THOC5: variants seen among roughly 807,000 people sequenced by gnomAD.
THOC5 encodes the protein Fms-interacting protein.
Under a neutral mutation model 92.9 loss-of-function variants are expected in THOC5, and 43 were observed. That is an observed-to-expected ratio of 0.46 (90% CI 0.36 to 0.60). The LOEUF is 0.60. THOC5 is among the 20% of genes least tolerant of loss of function. THOC5 has a pLI of 0.00. For synonymous variants in THOC5, 296 were observed against 320.1 expected (o/e 0.92, Z 0.80); for missense variants, 659 against 849.4 (o/e 0.78, Z 2.79).
At chr22:29,517,626 T>C (rs999683452) in intron 15 of THOC5, among the ~76,000 whole-genome samples, 4 of 152,224 alleles carry the variant, frequency 2.6e-5, no homozygotes, top group Non-Finnish European at 4.4e-5. Context: ...AATGATAGCC[T>C]GCCAAAGAAA....
chr22:29,543,662 C>A, intron 3 of THOC5, 120 bp from the exon 4 acceptor site: 17 of 597,738 alleles, frequency 2.8e-5, no homozygotes, highest in South Asian at 9.2e-5. Flanking sequence ...GAGCTCAGAA[C>A]CATGAGAAGG....
intron 6 of THOC5, 49 bp from the exon 7 acceptor site, chr22:29,536,787 C>G: frequency 2.0e-6 from 2 of 997,586 alleles, no homozygotes; most frequent in Admixed American, 3.4e-5. Flanking sequence ...CCAGTGATAC[C>G]TCAACATGCC....
At chr22:29,524,080 G>A (rs193286791) in intron 12 of THOC5, among the ~76,000 whole-genome samples, 99 of 152,284 alleles carry the variant, frequency 6.5e-4, no homozygotes, top group African/African-American at 7.2e-5. Flanking sequence ...AACACCTGAA[G>A]GCCTAAAAGA....
intron 6 of THOC5, among the ~76,000 whole-genome samples, chr22:29,538,928 T>C (rs566443946): frequency 7.4e-5 from 11 of 148,898 alleles, no homozygotes; most frequent in South Asian, 4.2e-4. Flanking sequence ...CTAGCCAACA[T>C]GGTGAAACCC....
chr22:29,536,806 G>C, intron 6 of THOC5, 68 bp from the exon 7 acceptor site: 2 of 864,564 alleles, frequency 2.3e-6, no homozygotes, highest in Admixed American at 3.4e-5. Flanking sequence ...CCTGTTCACT[G>C]TCAGACTCCA....
chr22:29,545,277 T>G (rs2063992802), intron 2 of THOC5: 1 of 181,780 alleles, frequency 5.5e-6, no homozygotes, highest in Non-Finnish European at 1.2e-5. Context: ...CCACAACATG[T>G]GGCAATTCTG....
chr22:29,538,849 G>A (rs1418894748), intron 6 of THOC5, among the ~76,000 whole-genome samples: 29 of 138,992 alleles, frequency 2.1e-4, no homozygotes, highest in Admixed American at 8.1e-4. Flanking sequence ...AGTGGCTCAC[G>A]TCTGTAATCC....
intron 6 of THOC5, among the ~76,000 whole-genome samples, chr22:29,537,411 C>T (rs2063781148): frequency 6.6e-6 from 1 of 152,204 alleles, no homozygotes; most frequent in Non-Finnish European, 1.5e-5. Context: ...GAGGCCCAGG[C>T]AGGCGGATCA....
intron 11 of THOC5, 110 bp downstream of exon 11, chr22:29,527,968 G>A: frequency 2.1e-6 from 2 of 931,708 alleles, no homozygotes; most frequent in Non-Finnish European, 1.7e-6. Context: ...ATATGAAATG[G>A]GAATCCTTTG....
At chr22:29,526,021 T>C in intron 11 of THOC5, 75 bp from the exon 12 acceptor site, 4 of 439,770 alleles carry the variant, frequency 9.1e-6, no homozygotes, top group Non-Finnish European at 4.5e-6. Flanking sequence ...TAGGGGGTAG[T>C]AAGGTGGGGG....
rs760248743 is a variant in THOC5, at chr22:29,549,152, G to T, written c.-5C>A. 6.2e-7 allele frequency: 1 copy of T among 1,614,012 alleles called. No homozygotes were observed. Among genetic ancestry groups the T allele is most frequent in the Admixed American group, 1.7e-5 (1 of 59,996 alleles). ...TTTGCTCGATTCTGATGACATGGTT[G>T]TTCCTCCTGTTAAGAGGAGAAAGTT... On this transcript the variant is annotated 5_prime_UTR_variant, in exon 2 of 20. Coordinates refer to ENST00000490103, the MANE Select transcript of THOC5 (RefSeq NM_003678.5).
intron 11 of THOC5, 144 bp from the exon 12 acceptor site, chr22:29,526,090 C>A (rs919040160): frequency 1.5e-4 from 88 of 605,496 alleles, no homozygotes; most frequent in Non-Finnish European, 2.2e-4. Context: ...GTGACGGGAT[C>A]ATTCATACCC....
chr22:29,509,356 T>A (rs1355083959), intron 19 of THOC5, among the ~76,000 whole-genome samples: 1 of 151,568 alleles, frequency 6.6e-6, no homozygotes, highest in Non-Finnish European at 1.5e-5. Flanking sequence ...ATGCTGGCCA[T>A]GTGAGAATTC....
chr22:29,536,470 C>T, intron 7 of THOC5, 154 bp downstream of exon 7: 2 of 597,718 alleles, frequency 3.3e-6, no homozygotes, highest in Non-Finnish European at 6.0e-6. Flanking sequence ...CAGACACAAG[C>T]TTATCACACC....
Position 29,519,110 on chromosome 22 carries a change from A to C in THOC5, c.1385T>G (p.Ile462Ser). Reference protein sequence around the residue: ...FPKEQPQQTVIADHSLSASHM... With the variant: ...FPKEQPQQTVSADHSLSASHM... ...GCTGGCGCTCAGCGAGTGGTCAGCA[A>C]TCACTGTTTGCTGTGAGTGACAATG... Residue 462 changes from isoleucine to serine, a missense_variant, in exon 15 of 20, where the codon ATT (isoleucine) becomes AGT (serine). Transcript: ENST00000490103. 1 of 1,609,960 alleles carries C rather than the reference A, an allele frequency of 6.2e-7. No homozygotes were observed. The highest frequency in any genetic ancestry group is 8.5e-7 in the Non-Finnish European group (1 of 1,177,910).
chr22:29,537,820 G>A (rs1291427781), intron 6 of THOC5, among the ~76,000 whole-genome samples: 1 of 151,476 alleles, frequency 6.6e-6, no homozygotes, highest in Non-Finnish European at 1.5e-5. Flanking sequence ...GAACCAGGGA[G>A]GTGGAGGTTG....
At position 29,517,312 on chromosome 22, in the gene THOC5, A is replaced by G. The variant is rs376347187; in HGVS notation, c.1544T>C (p.Val515Ala). Residue 515 changes from valine to alanine, a missense_variant, in exon 16 of 20, where the codon GTT (valine) becomes GCT (alanine). By Grantham distance (64) the Val-to-Ala change is moderately conservative. Transcript: ENST00000490103. ...SDCQYLFPAK[V>A]VSRLVKWVTV... Reference sequence around the variant, plus strand: ...CACCCATTTCACCAGGCGAGAGACAACCTTGGCAGGGAAGAGGTACTGGCA... The same window carrying G: ...CACCCATTTCACCAGGCGAGAGACAGCCTTGGCAGGGAAGAGGTACTGGCA... 67 of 1,614,212 alleles carry G rather than the reference A, an allele frequency of 4.2e-5. No homozygotes were observed. In the African/African-American group the frequency reaches 4.4e-4, roughly 11 times the overall value.
chr22:29,552,617 G>C (rs2064188493), intron 1 of THOC5, among the ~76,000 whole-genome samples: 1 of 150,758 alleles, frequency 6.6e-6, no homozygotes, highest in African/African-American at 2.4e-5. Flanking sequence ...GTCGGGTCGG[G>C]GGTAGGGGGG....
At chr22:29,531,434 T>A in intron 8 of THOC5, 1 of 1,008,590 alleles carries the variant, frequency 9.9e-7, no homozygotes. Context: ...CAAGGCATGG[T>A]GAAAGCCTGG....
Sources: gnomAD v4.1 joint callset for allele counts (sites outside exome capture counted in the v4.1 genomes callset) on GRCh38, gnomAD v4.1.1 for gene constraint, MANE v1.5 for transcripts, NCBI Gene and HGNC (gene_info 2026-07-23, HGNC 2026-07-21) for gene names.